Variants in CHD8 observed in about 807,000 individuals in gnomAD.
The protein encoded by CHD8 is ATP-dependent chromatin remodeler CHD8.
A neutral mutation model predicts 279.2 loss-of-function variants in CHD8; 31 were observed. The observed-to-expected ratio is 0.11, with a 90% confidence interval of 0.08 to 0.15. The LOEUF (loss-of-function observed/expected upper bound fraction) is 0.15, where lower values mean the gene tolerates loss of function less well. Ranked by LOEUF, CHD8 falls within the 10% of genes least tolerant of loss-of-function variation. The pLI is 1.00. For missense variants in CHD8, 2,146 were observed against 3,230.5 expected (o/e 0.66, Z 8.14); for synonymous variants, 1,081 against 1,139.6 (o/e 0.95, Z 1.04).
intron 1 of CHD8, among the ~76,000 whole-genome samples, chr14:21,440,647 T>C (rs533970561): frequency 6.6e-6 from 1 of 152,190 alleles, no homozygotes; most frequent in African/African-American, 2.4e-5. Context: ...GCATGAGACA[T>C]GTAGAGGAAA....
At position 21,394,414 on chromosome 14, in the gene CHD8, G is replaced by A; in HGVS notation, c.5462C>T (p.Thr1821Ile). Residue 1821 changes from threonine to isoleucine, a missense_variant, in exon 31 of 38, where the codon ACC (threonine) becomes ATC (isoleucine). Thr to Ile is a moderately conservative substitution (Grantham distance 89). Around this residue, in one of 26 missense-constraint regions of CHD8, gnomAD observed 513 missense variants for 637.6 expected, o/e 0.80. Transcript: ENST00000646647. ...GAAGCGATCCCAATGGAACTGCATG[G>A]TGTCAGGGTCATATTCCACACCAAA... is the stretch of plus-strand genomic sequence containing the variant. ...STFGVEYDPDTMQFHWDRFRT... is the reference protein window; with the variant it reads ...STFGVEYDPDIMQFHWDRFRT... 1 of 1,613,762 alleles carries A rather than the reference G, an allele frequency of 6.2e-7. No individual in the cohort carries two copies. The highest frequency in any genetic ancestry group is 1.1e-5 in the South Asian group (1 of 91,070).
intron 29 of CHD8, 34 bp from the exon 30 acceptor site, chr14:21,395,153 T>C (rs1887721741): frequency 1.9e-6 from 3 of 1,596,292 alleles, no homozygotes; most frequent in East Asian, 2.3e-5. Flanking sequence ...ATAGGAAGTA[T>C]AGCAAGGGTA....
intron 1 of CHD8, among the ~76,000 whole-genome samples, chr14:21,445,452 G>A (rs1015343830): frequency 6.6e-6 from 1 of 151,792 alleles, no homozygotes; most frequent in Non-Finnish European, 1.5e-5. Context: ...AGACCGAGGC[G>A]GGTGGATCAC....
intron 1 of CHD8, chr14:21,437,244 C>T: frequency 8.5e-7 from 1 of 1,173,896 alleles, no homozygotes; most frequent in Non-Finnish European, 1.1e-6. Context: ...CTCTCCAGCA[C>T]CAGTTCCCCC....
At chr14:21,435,779 T>G (rs1889757074) in intron 1 of CHD8, among the ~76,000 whole-genome samples, 1 of 152,208 alleles carries the variant, frequency 6.6e-6, no homozygotes, top group East Asian at 1.9e-4. Context: ...TTTATATTTA[T>G]TAACACTGGA....
chr14:21,425,323 AT>A (rs991576091), intron 5 of CHD8: 3,722 of 131,416 alleles, frequency 0.028, 40 homozygotes, highest in Middle Eastern at 0.048. Flanking sequence ...GAGTATTGCT[AT>A]TTTTTTTTTT....
chr14:21,441,135 G>A (rs1435028078), intron 1 of CHD8, among the ~76,000 whole-genome samples: 1 of 152,150 alleles, frequency 6.6e-6, no homozygotes, highest in African/African-American at 2.4e-5. Context: ...CAGGAGTAAT[G>A]CAAAGACCCA....
At chr14:21,425,089 T>C (rs1279076140) in intron 5 of CHD8, among the ~76,000 whole-genome samples, 1 of 152,202 alleles carries the variant, frequency 6.6e-6, no homozygotes, top group Non-Finnish European at 1.5e-5. Flanking sequence ...TGGCTTCTTT[T>C]GGTCTCTTCC....
Position 21,408,928 on chromosome 14 carries a change from T to C in CHD8, c.2365-103A>G, listed in dbSNP as rs1385602539. 2.5e-6 allele frequency: 3 copies of C among 1,202,816 alleles called. No individual in the cohort carries two copies. In the African/African-American group the frequency reaches 4.6e-5, roughly 19 times the overall value. 74.5% of individuals were successfully genotyped at this position (1,202,816 alleles called of 1,614,324 possible). ...TAAAATCAATTCAAAACAACATTGT[T>C]TGGATTAAAACATGTCAAATATATT... On this transcript the variant is annotated intron_variant, in intron 11 of 37. Coordinates refer to ENST00000646647, the MANE Select transcript of CHD8 (RefSeq NM_001170629.2). This position sits in a 1 kb window ranked among gnomAD's most constrained non-coding sequence, Gnocchi z 4.3.
intron 5 of CHD8, among the ~76,000 whole-genome samples, chr14:21,424,122 T>G (rs1283876019): frequency 6.6e-6 from 1 of 152,266 alleles, no homozygotes. Context: ...TACTTTAAAA[T>G]GTATTCATGT....
intron 1 of CHD8, among the ~76,000 whole-genome samples, chr14:21,447,140 G>T (rs1890141973): frequency 6.6e-6 from 1 of 152,226 alleles, no homozygotes; most frequent in Admixed American, 6.5e-5. Flanking sequence ...GAAACATTCA[G>T]AAGTATCATA....
At chr14:21,437,180 A>C (rs1754626788) in intron 1 of CHD8, 1 of 1,142,282 alleles carries the variant, frequency 8.8e-7, no homozygotes, top group African/African-American at 1.6e-5. Flanking sequence ...AGTGGAGGAG[A>C]GAGGTGGCTT....
intron 5 of CHD8, among the ~76,000 whole-genome samples, chr14:21,418,140 A>G (rs957634208): frequency 2.6e-5 from 4 of 152,074 alleles, no homozygotes; most frequent in African/African-American, 9.7e-5. Context: ...TGCCTTTCTC[A>G]TTGATGTGTG....
intron 37 of CHD8, among the ~76,000 whole-genome samples, chr14:21,389,579 C>G (rs149196864): frequency 8.5e-4 from 129 of 152,222 alleles, no homozygotes; most frequent in African/African-American, 2.9e-3. Context: ...GCACTGCCCT[C>G]CAGCCTGGGT....
chr14:21,418,494 T>C (rs1888848781), intron 5 of CHD8, among the ~76,000 whole-genome samples: 1 of 143,522 alleles, frequency 7.0e-6, no homozygotes, highest in African/African-American at 2.6e-5. Context: ...CACTCTAGCC[T>C]GGGTGAGAGT....
At chr14:21,427,265 A>C in intron 4 of CHD8, 1 of 252,300 alleles carries the variant, frequency 4.0e-6, no homozygotes, top group South Asian at 9.2e-5. Flanking sequence ...AATAGCAAGG[A>C]GTACTCAATC....
In CHD8 at chr14:21,405,678, C is replaced by T. The variant is rs749026103; in HGVS notation, c.3051+43G>A. 2.5e-6 allele frequency: 4 copies of T among 1,604,402 alleles called. No individual in the cohort carries two copies. The highest frequency in any genetic ancestry group is 3.4e-6 in the Non-Finnish European group (4 of 1,174,470). ...GATGTCTGCCTTGTACAAACTTCAC[C>T]TTCTTTGTCCTGAGTTAGTACCTCA... On this transcript the variant is annotated intron_variant, in intron 15 of 37. Coordinates refer to ENST00000646647, the MANE Select transcript of CHD8 (RefSeq NM_001170629.2). This position sits in a 1 kb window ranked among gnomAD's most constrained non-coding sequence, Gnocchi z 4.2.
At chr14:21,448,121 T>A (rs974139340) in intron 1 of CHD8, among the ~76,000 whole-genome samples, 3 of 152,238 alleles carry the variant, frequency 2.0e-5, no homozygotes, top group African/African-American at 7.2e-5. Context: ...ATTTACTTAA[T>A]AACCAGAGGC....
intron 1 of CHD8, among the ~76,000 whole-genome samples, chr14:21,433,022 C>A (rs527957998): frequency 8.5e-5 from 13 of 152,276 alleles, no homozygotes; most frequent in African/African-American, 2.6e-4. Context: ...CAACTCTGTA[C>A]CATGGCCCAG....
Sources: allele counts gnomAD v4.1 joint callset (sites outside exome capture counted in the v4.1 genomes callset), GRCh38; gene constraint gnomAD v4.1.1; regional missense constraint gnomAD v4.1.1; non-coding constraint Gnocchi (gnomAD v3.1); transcripts MANE v1.5; gene names NCBI Gene and HGNC (gene_info 2026-07-23, HGNC 2026-07-21).